Variants in TRDN observed in about 807,000 individuals in gnomAD.
TRDN encodes the protein triadin.
TRDN carries 161 observed loss-of-function variants against 149.7 expected under a neutral mutation model. That is an observed-to-expected ratio of 1.08 (90% CI 0.95 to 1.23). The LOEUF (loss-of-function observed/expected upper bound fraction) is 1.23. TRDN is among the 50% of genes most tolerant of loss of function. TRDN has a pLI of 0.00. For synonymous variants in TRDN, 294 were observed against 250.5 expected (o/e 1.17, Z -1.64); for missense variants, 896 against 823.5 (o/e 1.09, Z -1.08).
At chr6:123,350,335 A>T in intron 21 of TRDN, 1 of 951,190 alleles carries the variant, frequency 1.1e-6, no homozygotes, top group Non-Finnish European at 1.3e-6. Context: ...ATGCACAATT[A>T]TACTCAGATC....
At chr6:123,403,400 G>A (rs1773063857) in intron 12 of TRDN, among the ~76,000 whole-genome samples, 1 of 152,070 alleles carries the variant, frequency 6.6e-6, no homozygotes, top group South Asian at 2.1e-4. Context: ...TGTGGCAGAG[G>A]CCATAGGAAA....
At chr6:123,548,353 C>A in intron 3 of TRDN, 101 bp downstream of exon 3, 1 of 995,376 alleles carries the variant, frequency 1.0e-6, no homozygotes. Context: ...TTTGGTTTAG[C>A]TTGACCCAAG....
intron 38 of TRDN, among the ~76,000 whole-genome samples, chr6:123,239,414 C>T (rs948821423): frequency 2.0e-5 from 3 of 152,044 alleles, no homozygotes; most frequent in East Asian, 1.9e-4. Flanking sequence ...CTTGATTTAA[C>T]GGCTATAGAA....
At chr6:123,583,395 C>T (rs575698511) in intron 1 of TRDN, among the ~76,000 whole-genome samples, 1 of 152,052 alleles carries the variant, frequency 6.6e-6, no homozygotes, top group East Asian at 1.9e-4. Context: ...ATGGGCTGTA[C>T]CTTGTAGTAT....
chr6:123,239,441 T>C (rs887730608), intron 38 of TRDN, among the ~76,000 whole-genome samples: 2 of 152,144 alleles, frequency 1.3e-5, no homozygotes, highest in Non-Finnish European at 2.9e-5. Flanking sequence ...TTTCAACCAT[T>C]AGCAAAGACA....
At chr6:123,336,058 C>T (rs1345833427) in intron 22 of TRDN, among the ~76,000 whole-genome samples, 1 of 151,816 alleles carries the variant, frequency 6.6e-6, no homozygotes, top group Non-Finnish European at 1.5e-5. Context: ...GTAGTTACCC[C>T]AATAGCAAAA....
intron 10 of TRDN, among the ~76,000 whole-genome samples, chr6:123,460,268 G>C (rs1002648358): frequency 1.3e-5 from 2 of 152,114 alleles, no homozygotes; most frequent in Non-Finnish European, 2.9e-5. Context: ...TGTCATGAAA[G>C]CAATCACCTT....
At chr6:123,601,604 T>C (rs1411736307) in intron 1 of TRDN, among the ~76,000 whole-genome samples, 1 of 152,092 alleles carries the variant, frequency 6.6e-6, no homozygotes, top group Non-Finnish European at 1.5e-5. Flanking sequence ...TCAGGGCTGC[T>C]ACACCAGAGC....
chr6:123,263,680 A>AC (rs939391847), intron 33 of TRDN, among the ~76,000 whole-genome samples: 1 of 152,058 alleles, frequency 6.6e-6, no homozygotes, highest in African/African-American at 2.4e-5. Context: ...AGAAGACGTC[A>AC]TCTAGAACTT....
intron 24 of TRDN, among the ~76,000 whole-genome samples, chr6:123,299,031 A>G (rs1778309371): frequency 6.6e-6 from 1 of 152,078 alleles, no homozygotes; most frequent in African/African-American, 2.4e-5. Context: ...TGCATTGGAG[A>G]TAATTTTCTA....
rs575839569 is a variant in TRDN, at chr6:123,242,777, C to G, written c.1975+9635G>C. ...AGTGTAAGTAAGTGTTTCCCAGGGC[C>G]CCACATTTCAGCCACAGACTAACAA... On this transcript the variant is annotated intron_variant, in intron 38 of 40. Transcript: ENST00000334268. Among the ~76,000 whole-genome samples, 3 of 152,066 alleles carry G rather than the reference C, an allele frequency of 2.0e-5. No homozygotes were observed. The East Asian group carries it at 5.8e-4, about 29-fold the overall frequency.
At chr6:123,471,518 A>G (rs1777150636) in intron 9 of TRDN, 2 of 152,130 alleles carry the variant, frequency 1.3e-5, no homozygotes, top group African/African-American at 2.4e-5. Flanking sequence ...TTTAACATGA[A>G]TTGGCTATGT....
rs1417388608 is a variant in TRDN, at chr6:123,273,328, A to T, written c.1624+9T>A. On this transcript the variant is annotated intron_variant, in intron 28 of 40. Transcript: ENST00000334268. ...AAGTCTAAGCATAAAAGATAAAATT[A>T]ATACATACTGTGTATTTGCACTTTT... 7 of 1,077,332 alleles carry T rather than the reference A, an allele frequency of 6.5e-6. No homozygotes were observed. The highest frequency in any genetic ancestry group is 8.8e-6 in the Non-Finnish European group (7 of 795,602). 66.7% of individuals were successfully genotyped at this position (1,077,332 alleles called of 1,614,324 possible).
chr6:123,254,026 G>C (rs76863489), intron 37 of TRDN, among the ~76,000 whole-genome samples: 7,292 of 152,168 alleles, frequency 0.048, 217 homozygotes, highest in Non-Finnish European at 0.073. Context: ...TGAGATGTTA[G>C]ATTTTCTCTT....
At chr6:123,243,591 A>G (rs1436537662) in intron 38 of TRDN, among the ~76,000 whole-genome samples, 1 of 152,188 alleles carries the variant, frequency 6.6e-6, no homozygotes. Flanking sequence ...ATTTTAAAAT[A>G]GAACCAAATT....
chr6:123,291,086 G>A (rs554184583), intron 24 of TRDN, among the ~76,000 whole-genome samples: 1 of 152,122 alleles, frequency 6.6e-6, no homozygotes, highest in South Asian at 2.1e-4. Flanking sequence ...GAACCCAAGA[G>A]GCAGAGGTTT....
rs138889357 is a variant in TRDN at position 123,513,450 on chromosome 6, C to T, written c.551-1088G>A. Among the ~76,000 whole-genome samples, 233 of 151,676 alleles carry T rather than the reference C, an allele frequency of 1.5e-3. 1 individual carries two copies. Among genetic ancestry groups the T allele is most frequent in the African/African-American group, 5.2e-3 (217 of 41,348 alleles). ...CAAAAATTCCTAACTTTTTTTTTAA[C>T]AGAAAACATTTAGCTACTGTAAAGT... On this transcript the variant is annotated intron_variant, in intron 6 of 40. Transcript: ENST00000334268.
At chr6:123,605,297 ACACATATATAT>A (rs1784478428) in intron 1 of TRDN, among the ~76,000 whole-genome samples, 1 of 148,592 alleles carries the variant, frequency 6.7e-6, no homozygotes, top group Non-Finnish European at 1.5e-5. Flanking sequence ...ATATAAACAC[ACACATATATAT>A]AAACATATAT....
intron 38 of TRDN, among the ~76,000 whole-genome samples, chr6:123,243,780 A>G (rs1448488223): frequency 1.3e-5 from 2 of 152,142 alleles, no homozygotes; most frequent in African/African-American, 4.8e-5. Flanking sequence ...TAACTTAATG[A>G]TGAGCAATTT....
Sources: allele counts gnomAD v4.1 joint callset (sites outside exome capture counted in the v4.1 genomes callset), GRCh38; gene constraint gnomAD v4.1.1; transcripts MANE v1.5; gene names NCBI Gene and HGNC (gene_info 2026-07-23, HGNC 2026-07-21).